Variants in ATCAY observed in about 807,000 individuals in gnomAD.
ATCAY encodes caytaxin.
In ATCAY, 22 loss-of-function variants were observed where a neutral mutation model predicts 47.7. The ratio of observed to expected loss-of-function variants is 0.46; its 90% CI spans 0.33 to 0.66. ATCAY has a LOEUF of 0.66. ATCAY is among the 30% of genes least tolerant of loss of function. The pLI is 0.02. For synonymous variants in ATCAY, 216 were observed against 207.6 expected (o/e 1.04, Z -0.35); for missense variants, 452 against 515.0 (o/e 0.88, Z 1.18).
intron 12 of ATCAY, chr19:3,922,275 G>A: frequency 1.5e-6 from 1 of 686,946 alleles, no homozygotes; most frequent in Admixed American, 2.1e-5. Context: ...CCCAAGACCG[G>A]GTAAATTATA....
intron 10 of ATCAY, 89 bp from the exon 11 acceptor site, chr19:3,918,716 GA>G: frequency 2.1e-6 from 3 of 1,416,382 alleles, no homozygotes; most frequent in Non-Finnish European, 3.0e-6. Flanking sequence ...CAGGGGACAG[GA>G]AAACCAGAGA....
In ATCAY at chr19:3,924,901, C is replaced by T. The variant is rs541933098; in HGVS notation, c.*309C>T. On this transcript the variant is annotated 3_prime_UTR_variant, in exon 13 of 13. Transcript: ENST00000450849. ...GAAGCGCAGGGGGTGGCCCGCGTGG[C>T]GTCGGTGGCCTCCGCTCCTGCTCGC... The T allele has an allele frequency of 6.3e-4, 231 of 368,952 alleles. 2 individuals carry two copies. The South Asian group carries it at 8.3e-3, about 13-fold the overall frequency. 22.9% of individuals were successfully genotyped at this position (368,952 alleles called of 1,614,324 possible). A position where few individuals can be genotyped will look rare whatever the true frequency, so the allele number is the denominator to read the frequency against.
chr19:3,911,396 T>G (rs900138260), intron 8 of ATCAY, among the ~76,000 whole-genome samples: 1 of 151,698 alleles, frequency 6.6e-6, no homozygotes, highest in Non-Finnish European at 1.5e-5. Flanking sequence ...TGGCATCACA[T>G]GCCTGTAGTC....
At chr19:3,922,195 G>T (rs1367280779) in intron 12 of ATCAY, 1 of 701,842 alleles carries the variant, frequency 1.4e-6, no homozygotes, top group Middle Eastern at 2.9e-4. Flanking sequence ...GATGCCACGT[G>T]GCCCAAGTTC....
At position 3,893,171 on chromosome 19, in the gene ATCAY, CTTT is replaced by C. The variant is rs34910855; in HGVS notation, c.77+7345_77+7347del. Among the ~76,000 whole-genome samples, 210 of 111,836 alleles carry C rather than the reference CTTT, an allele frequency of 1.9e-3. 1 individual carries two copies. Among genetic ancestry groups the C allele is most frequent in the East Asian group, 2.4e-3 (9 of 3,740 alleles). The allele number at this position is 111,836 out of a possible 152,430, so 73.4% of individuals were successfully genotyped here. A position where few individuals can be genotyped will look rare whatever the true frequency, so the allele number is the denominator to read the frequency against. On this transcript the variant is annotated intron_variant, in intron 2 of 12. Transcript: ENST00000450849. ...ATCTTGCATGTGGGGGGGACCCCCA[CTTT>C]TTTTTTTTTTTTTTTTTGAGACGGA...
chr19:3,884,863 G>T (rs963399612), intron 1 of ATCAY, among the ~76,000 whole-genome samples: 1 of 151,884 alleles, frequency 6.6e-6, no homozygotes, highest in Non-Finnish European at 1.5e-5. Flanking sequence ...TAGAGAGGCC[G>T]AGGCAGGAGG....
intron 1 of ATCAY, among the ~76,000 whole-genome samples, chr19:3,882,050 G>A (rs2038606739): frequency 6.6e-6 from 1 of 152,028 alleles, no homozygotes; most frequent in Non-Finnish European, 1.5e-5. Flanking sequence ...ATCTGGCTGA[G>A]GCTGCCTCTG....
intron 2 of ATCAY, among the ~76,000 whole-genome samples, chr19:3,887,548 G>T (rs935727536): frequency 2.7e-5 from 4 of 150,798 alleles, no homozygotes; most frequent in Non-Finnish European, 4.4e-5. Flanking sequence ...GTGCAGTGGC[G>T]CGATCTTGGC....
intron 2 of ATCAY, among the ~76,000 whole-genome samples, chr19:3,901,324 T>C (rs1200399374): frequency 2.6e-5 from 4 of 152,236 alleles, no homozygotes; most frequent in African/African-American, 4.8e-5. Context: ...TATGGACTCA[T>C]AGACATTTAT....
chr19:3,908,440 C>T, intron 6 of ATCAY, 70 bp downstream of exon 6: 8 of 1,370,498 alleles, frequency 5.8e-6, no homozygotes, highest in South Asian at 1.2e-5. Flanking sequence ...GGGCACCAGG[C>T]TGCAAGGATT....
chr19:3,882,263 G>A (rs940211164), intron 1 of ATCAY, among the ~76,000 whole-genome samples: 1 of 152,064 alleles, frequency 6.6e-6, no homozygotes, highest in African/African-American at 2.4e-5. Context: ...GTGCTCAGGC[G>A]ATCCTCGCAA....
chr19:3,887,573 GC>G (rs1407240317), intron 2 of ATCAY, among the ~76,000 whole-genome samples: 24 of 150,942 alleles, frequency 1.6e-4, no homozygotes, highest in Non-Finnish European at 3.2e-4. Context: ...TGCAAGCTCC[GC>G]CTCCCGGGTT....
chr19:3,926,241 G>A lies in ATCAY; in HGVS notation c.*1649G>A, dbSNP rs1349452639. The A allele has an allele frequency of 2.0e-5, 3 of 152,250 alleles. No homozygotes were observed. Among genetic ancestry groups the A allele is most frequent in the African/African-American group, 7.2e-5 (3 of 41,434 alleles). The allele number at this position is 152,250 out of a possible 1,614,324, so 9.4% of individuals were successfully genotyped here. A position where few individuals can be genotyped will look rare whatever the true frequency, so the allele number is the denominator to read the frequency against. On this transcript the variant is annotated 3_prime_UTR_variant, in exon 13 of 13. Coordinates refer to ENST00000450849, the MANE Select transcript of ATCAY (RefSeq NM_033064.5). ...GAACTGCTTGAACCCAGGAGGCAGA[G>A]GTTGCAGTGATCCAAGATCATGCCA...
chr19:3,898,176 C>CT lies in ATCAY; in HGVS notation c.78-4301dup, dbSNP rs546806262. Among the ~76,000 whole-genome samples the CT allele has an allele frequency of 5.6e-3, 843 of 149,572 alleles. 6 individuals are homozygous for CT. Among genetic ancestry groups the CT allele is most frequent in the African/African-American group, 0.018 (750 of 40,828 alleles). On this transcript the variant is annotated intron_variant, in intron 2 of 12. Transcript: ENST00000450849. ...GAGAATTTACGTGTTCTAAACATCT[C>CT]TTTTTTTTTTCTTTTCTTTTCTGTT...
At chr19:3,886,887 T>C (rs1318180049) in intron 2 of ATCAY, among the ~76,000 whole-genome samples, 1 of 151,732 alleles carries the variant, frequency 6.6e-6, no homozygotes, top group Non-Finnish European at 1.5e-5. Flanking sequence ...CTGATTTTTC[T>C]ATTTTTAGTA....
intron 3 of ATCAY, 128 bp downstream of exon 3, chr19:3,902,673 C>A (rs774536481): frequency 1.9e-6 from 2 of 1,067,996 alleles, no homozygotes; most frequent in Non-Finnish European, 2.7e-6. Flanking sequence ...GTCCTGGGGT[C>A]TATGGTGGAA....
chr19:3,924,933 T>G lies in ATCAY; in HGVS notation c.*341T>G. ...GGCCTCCGCTCCTGCTCGCAGCCTCTGTGGTCAGAGCTGGATACAAGATTC... is the reference window on the plus strand; with the variant it reads ...GGCCTCCGCTCCTGCTCGCAGCCTCGGTGGTCAGAGCTGGATACAAGATTC... On this transcript the variant is annotated 3_prime_UTR_variant, in exon 13 of 13. Transcript: ENST00000450849. 1 of 303,780 alleles carries G rather than the reference T, an allele frequency of 3.3e-6. No individual in the cohort carries two copies. Among genetic ancestry groups the G allele is most frequent in the Non-Finnish European group, 6.3e-6 (1 of 159,230 alleles). The allele number at this position is 303,780 out of a possible 1,614,324, so 18.8% of individuals were successfully genotyped here.
chr19:3,916,965 G>A (rs971531092), intron 9 of ATCAY, among the ~76,000 whole-genome samples: 4 of 150,996 alleles, frequency 2.6e-5, no homozygotes, highest in Admixed American at 2.0e-4. Context: ...CTGCCACCAC[G>A]CCCAGCTAAT....
chr19:3,919,084 C>T (rs1007197639), intron 11 of ATCAY, among the ~76,000 whole-genome samples: 4 of 151,250 alleles, frequency 2.6e-5, no homozygotes, highest in Admixed American at 2.0e-4. Context: ...TCGAGACCAG[C>T]CTGGCCAGCA....
Sources: allele counts gnomAD v4.1 joint callset (sites outside exome capture counted in the v4.1 genomes callset), GRCh38; gene constraint gnomAD v4.1.1; transcripts MANE v1.5; gene names NCBI Gene and HGNC (gene_info 2026-07-23, HGNC 2026-07-21).